Variants in AATK observed in about 807,000 individuals in gnomAD.
AATK encodes the protein lemur tail kinase 1.
Under a neutral mutation model 114.3 loss-of-function variants are expected in AATK, and 91 were observed. The observed-to-expected ratio is 0.80, with a 90% CI of 0.67 to 0.95. The LOEUF (loss-of-function observed/expected upper bound fraction) is 0.95. Among genes scored for constraint, AATK ranks in the 40% least tolerant of loss-of-function variants. The probability of loss-of-function intolerance (pLI) is 0.00; values close to 1 mark genes in which losing one functional copy is unlikely to be tolerated. For missense variants in AATK, 2,176 were observed against 1,965.2 expected, an observed-to-expected ratio of 1.11 and a Z score of -2.03; for synonymous variants, 1,075 against 916.5, an observed-to-expected ratio of 1.17 and a Z score of -3.12.
Position 81,121,113 on chromosome 17 carries a change from G to C in AATK, c.2823C>G (p.Thr941=), listed in dbSNP as rs745624768. The part of the protein sequence containing the change: ...QPRALDSGYD[T]ENYESPEFVL... ...CAAACTCAGGGGACTCATAGTTCTC[G>C]GTGTCATAGCCACTGTCCAGCGCTC... The change falls in exon 11 of 14, where the codon ACC becomes ACG. Residue 941 remains threonine (T), a synonymous_variant. Transcript: ENST00000326724. 5 of 1,604,882 alleles carry C rather than the reference G, an allele frequency of 3.1e-6. No individual in the cohort carries two copies. Among genetic ancestry groups the C allele is most frequent in the Non-Finnish European group, 4.3e-6 (5 of 1,176,266 alleles).
chr17:81,147,088 C>T (rs892351697), intron 1 of AATK, among the ~76,000 whole-genome samples: 1 of 151,348 alleles, frequency 6.6e-6, no homozygotes, highest in African/African-American at 2.4e-5. Context: ...AGAGGCCAGG[C>T]CTGGTGGCTC....
chr17:81,140,326 G>A (rs2061103662), intron 1 of AATK, among the ~76,000 whole-genome samples: 1 of 152,188 alleles, frequency 6.6e-6, no homozygotes, highest in Non-Finnish European at 1.5e-5. Context: ...TCACACTTAG[G>A]CACTCCTTTT....
At chr17:81,137,079 G>A (rs946433429) in intron 1 of AATK, among the ~76,000 whole-genome samples, 3 of 151,990 alleles carry the variant, frequency 2.0e-5, no homozygotes, top group Non-Finnish European at 4.4e-5. Context: ...CCAACACAGC[G>A]AAACCCCATC....
intron 1 of AATK, among the ~76,000 whole-genome samples, chr17:81,137,729 CGA>C (rs1298850966): frequency 6.6e-6 from 1 of 151,418 alleles, no homozygotes; most frequent in Non-Finnish European, 1.5e-5. Context: ...CATGACAACG[CGA>C]AACATACATG....
At chr17:81,154,783 T>C (rs1279394643) in intron 1 of AATK, among the ~76,000 whole-genome samples, 24 of 143,064 alleles carry the variant, frequency 1.7e-4, no homozygotes, top group African/African-American at 4.9e-4. Context: ...ACTTGCGCCA[T>C]CACACCCGGC....
At chr17:81,138,338 C>CAT (rs2061055545) in intron 1 of AATK, among the ~76,000 whole-genome samples, 1 of 150,374 alleles carries the variant, frequency 6.7e-6, no homozygotes, top group Non-Finnish European at 1.5e-5. Flanking sequence ...CACACATGCA[C>CAT]ACCCACACAT....
rs2061136550 is a variant in AATK, at chr17:81,141,429, C to T, written c.56-6928G>A. ...TTGAGCCACTGCACTCCAGTCTGGGCGACAGAGACTCTGTCCCCCCCAAAA... is the reference window on the plus strand; with the variant it reads ...TTGAGCCACTGCACTCCAGTCTGGGTGACAGAGACTCTGTCCCCCCCAAAA... On this transcript the variant is annotated intron_variant, in intron 1 of 13. Transcript: ENST00000326724. Among the ~76,000 whole-genome samples the T allele has an allele frequency of 2.6e-5, 4 of 152,120 alleles. No individual in the cohort carries two copies. The South Asian group carries it at 8.3e-4, about 32-fold the overall frequency.
chr17:81,159,772 C>T (rs1402998315), intron 1 of AATK, among the ~76,000 whole-genome samples: 6 of 152,094 alleles, frequency 3.9e-5, no homozygotes, highest in East Asian at 1.9e-4. Context: ...AGCCTCAAAC[C>T]GTGGCCTTGG....
intron 13 of AATK, 89 bp from the exon 14 acceptor site, chr17:81,118,531 C>A: frequency 7.1e-7 from 1 of 1,406,070 alleles, no homozygotes; most frequent in Non-Finnish European, 9.9e-7. Flanking sequence ...CATCCCTGGC[C>A]CACATACAGG....
intron 1 of AATK, among the ~76,000 whole-genome samples, chr17:81,152,861 G>A (rs1348314190): frequency 1.1e-5 from 1 of 88,752 alleles, no homozygotes; most frequent in African/African-American, 4.3e-5. Flanking sequence ...TTTTTTTTTT[G>A]AGACCAAGTC....
chr17:81,122,083 C>A lies in AATK; in HGVS notation c.1853G>T (p.Ser618Ile). ...ATCCTCCGCTCCTCCCTCCGCCAGACTCAGGGGCCCCGCCGAGGGCGAGGG... is the reference window on the plus strand; with the variant it reads ...ATCCTCCGCTCCTCCCTCCGCCAGAATCAGGGGCCCCGCCGAGGGCGAGGG... Reference protein sequence around the residue: ...RSPSPSAGPLSLAEGGAEDAD... With the variant: ...RSPSPSAGPLILAEGGAEDAD... The change falls in exon 11 of 14, where the codon AGT becomes ATT. Residue 618 changes from serine (S) to isoleucine (I), a missense_variant. Coordinates refer to ENST00000326724, the MANE Select transcript of AATK (RefSeq NM_001080395.3). The A allele has an allele frequency of 6.3e-7, 1 of 1,581,168 alleles. No homozygotes were observed.
At chr17:81,131,962 G>A (rs1281658328) in intron 2 of AATK, 1 of 1,332,032 alleles carries the variant, frequency 7.5e-7, no homozygotes, top group Admixed American at 2.1e-5. Flanking sequence ...ACCACCTCCG[G>A]AGCTCCCAGA....
chr17:81,122,175 G>T lies in AATK; in HGVS notation c.1761C>A (p.Pro587=). 4.6e-6 allele frequency: 7 copies of T among 1,511,750 alleles called. No homozygotes were observed. The highest frequency in any genetic ancestry group is 6.2e-6 in the Non-Finnish European group (7 of 1,130,966). 93.6% of individuals were successfully genotyped at this position (1,511,750 alleles called of 1,614,324 possible). The change falls in exon 11 of 14, where the codon CCC becomes CCA. Residue 587 remains proline, a synonymous_variant. Coordinates refer to ENST00000326724, the MANE Select transcript of AATK (RefSeq NM_001080395.3). ...GAGGGTAGTGGTCGCCGCGGCCCCA[G>T]GGGACGTCGACGGGTGGCCCGTGGC... is the stretch of plus-strand genomic sequence containing the variant. ...LLGHGPPVDV[P]WGRGDHYPRR... is the part of the protein sequence containing the mutation.
At chr17:81,162,575 C>T (rs1052753529) in intron 1 of AATK, among the ~76,000 whole-genome samples, 1 of 152,186 alleles carries the variant, frequency 6.6e-6, no homozygotes, top group East Asian at 1.9e-4. Context: ...TCCAGCCCTG[C>T]CCCTGCCACT....
At position 81,119,482 on chromosome 17, in the gene AATK, T is replaced by TGGGCGC. The variant is rs776665010; in HGVS notation, c.3976_3981dup (p.Ala1326_Pro1327dup). 2.7e-5 allele frequency: 41 copies of TGGGCGC among 1,510,922 alleles called. No homozygotes were observed. Among genetic ancestry groups the TGGGCGC allele is most frequent in the Middle Eastern group, 1.8e-4 (1 of 5,670 alleles). 93.6% of individuals were successfully genotyped at this position (1,510,922 alleles called of 1,614,324 possible). A position where few individuals can be genotyped will look rare whatever the true frequency, so the allele number is the denominator to read the frequency against. On this transcript the variant is annotated inframe_insertion, in exon 13 of 14. Transcript: ENST00000326724. ...CGCGAGAAGGGAGCGGGCGTGGGCG[T>TGGGCGC]GGGCGCAGCCGGGGCGGGTGCGGCC...
intron 1 of AATK, among the ~76,000 whole-genome samples, chr17:81,148,857 G>A (rs1465753829): frequency 1.3e-5 from 2 of 152,330 alleles, no homozygotes; most frequent in Admixed American, 1.3e-4. Flanking sequence ...GTCCTGCTCT[G>A]AGCCAGCGGG....
chr17:81,137,952 GCA>G (rs1283046769), intron 1 of AATK, among the ~76,000 whole-genome samples: 1 of 140,466 alleles, frequency 7.1e-6, no homozygotes, highest in Non-Finnish European at 1.6e-5. Context: ...CCACACGCAC[GCA>G]CACATCCACA....
intron 13 of AATK, 107 bp downstream of exon 13, chr17:81,119,273 G>C: frequency 8.2e-7 from 1 of 1,226,078 alleles, no homozygotes. Flanking sequence ...GAGCGGAGCG[G>C]AGCCGGGGCT....
At chr17:81,161,336 C>T (rs1362219153) in intron 1 of AATK, among the ~76,000 whole-genome samples, 2 of 152,142 alleles carry the variant, frequency 1.3e-5, no homozygotes, top group Non-Finnish European at 2.9e-5. Flanking sequence ...GCCTCCTTCC[C>T]GCGTGCACGC....
Sources: gnomAD v4.1 joint callset for allele counts (sites outside exome capture counted in the v4.1 genomes callset) on GRCh38, gnomAD v4.1.1 for gene constraint, MANE v1.5 for transcripts, NCBI Gene and HGNC (gene_info 2026-07-23, HGNC 2026-07-21) for gene names.